The following BCAS3 variants were observed in gnomAD, a reference collection of about 807,000 sequenced individuals.
The protein encoded by BCAS3 is BCAS3 microtubule associated cell migration factor.
A neutral mutation model predicts 116.1 loss-of-function variants in BCAS3; 53 were observed. The observed-to-expected ratio is 0.46, with a 90% CI of 0.37 to 0.57. BCAS3 has a LOEUF of 0.57. BCAS3 is among the 20% of genes least tolerant of loss of function. The probability of loss-of-function intolerance (pLI) is 0.00; values close to 1 mark genes in which losing one functional copy is unlikely to be tolerated. For synonymous variants in BCAS3, 391 were observed against 408.2 expected, an observed-to-expected ratio of 0.96 and a Z score of 0.51; for missense variants, 917 against 1,165.4, an observed-to-expected ratio of 0.79 and a Z score of 3.10.
chr17:61,125,784 A>G (rs368857344), intron 22 of BCAS3, among the ~76,000 whole-genome samples: 1 of 152,164 alleles, frequency 6.6e-6, no homozygotes, highest in African/African-American at 2.4e-5. Flanking sequence ...TTTATACTGC[A>G]TTCTCCAAAG....
At position 61,144,602 on chromosome 17, in the gene BCAS3, G is replaced by A. The variant is rs1218017052; in HGVS notation, c.2425+60038G>A. 6.6e-6 allele frequency among the ~76,000 whole-genome samples: 1 copy of A among 152,146 alleles called. No homozygotes were observed. Among genetic ancestry groups the A allele is most frequent in the Admixed American group, 6.5e-5 (1 of 15,282 alleles). Reference sequence around the variant, plus strand: ...TTTTATAACATCTCTGTGAAAGTTTGAAAATTTATGATTGTTGATCCTCAA... The same window carrying A: ...TTTTATAACATCTCTGTGAAAGTTTAAAAATTTATGATTGTTGATCCTCAA... On this transcript the variant is annotated intron_variant, in intron 22 of 23. Transcript: ENST00000407086. The surrounding 1 kb of genome is among the most constrained non-coding windows in gnomAD (Gnocchi z 5.0).
chr17:60,808,501 T>C (rs901535013), intron 7 of BCAS3, among the ~76,000 whole-genome samples: 10 of 152,210 alleles, frequency 6.6e-5, no homozygotes. Context: ...CTTCAGATCA[T>C]GTGGCATTGG....
At chr17:61,158,585 T>C (rs1405999602) in intron 22 of BCAS3, among the ~76,000 whole-genome samples, 1 of 152,194 alleles carries the variant, frequency 6.6e-6, no homozygotes, top group East Asian at 1.9e-4. Context: ...TCATGCTATC[T>C]TCATCCAGGC....
At chr17:60,861,713 T>G (rs1215348655) in intron 7 of BCAS3, among the ~76,000 whole-genome samples, 3 of 152,240 alleles carry the variant, frequency 2.0e-5, no homozygotes, top group Admixed American at 6.5e-5. Context: ...TTGAATTTTA[T>G]TGAAAGTCTT....
intron 5 of BCAS3, among the ~76,000 whole-genome samples, chr17:60,718,195 C>T (rs2038854880): frequency 1.3e-5 from 2 of 152,248 alleles, no homozygotes; most frequent in Admixed American, 1.3e-4. Flanking sequence ...GTAACCAGTA[C>T]CTGGCCCAGG....
rs1267658193 is a variant in BCAS3 at position 61,276,649 on chromosome 17, G to A, written c.2426-91678G>A. Among the ~76,000 whole-genome samples the A allele has an allele frequency of 2.6e-5, 4 of 152,054 alleles. No individual in the cohort carries two copies. Among genetic ancestry groups the A allele is most frequent in the Admixed American group, 2.0e-4 (3 of 15,260 alleles). On this transcript the variant is annotated intron_variant, in intron 22 of 23. Coordinates refer to ENST00000407086, the MANE Select transcript of BCAS3 (RefSeq NM_017679.5). The surrounding 1 kb of genome is among the most constrained non-coding windows in gnomAD (Gnocchi z 4.2). The stretch of plus-strand genomic sequence containing the variant: ...GATTCAACACAATCTCTATCAAAAT[G>A]ATCTCTATCAAAATCTCTATCAAAT...
intron 7 of BCAS3, among the ~76,000 whole-genome samples, chr17:60,836,267 T>A (rs7214856): frequency 2.7e-4 from 41 of 152,316 alleles, no homozygotes; most frequent in African/African-American, 9.4e-4. Flanking sequence ...TGGATAATTG[T>A]ATCAGACAGA....
chr17:61,154,437 A>C (rs1350133373), intron 22 of BCAS3, among the ~76,000 whole-genome samples: 3 of 141,504 alleles, frequency 2.1e-5, no homozygotes, highest in African/African-American at 7.8e-5. Flanking sequence ...AGCACAAGCA[A>C]TTTTTTTTTT....
At chr17:60,706,154 T>C (rs112451240) in intron 4 of BCAS3, among the ~76,000 whole-genome samples, 10,620 of 150,746 alleles carry the variant, frequency 0.07, 1,238 homozygotes, top group African/African-American at 0.24. Flanking sequence ...CCTCCACCTC[T>C]TGGGTTCAAG....
Position 61,198,383 on chromosome 17 carries a change from A to G in BCAS3, c.2425+113819A>G, listed in dbSNP as rs896809063. On this transcript the variant is annotated intron_variant, in intron 22 of 23. Coordinates refer to ENST00000407086, the MANE Select transcript of BCAS3 (RefSeq NM_017679.5). The surrounding 1 kb of genome is among the most constrained non-coding windows in gnomAD (Gnocchi z 5.0). The stretch of plus-strand genomic sequence containing the variant: ...TCTCGATCTCCTGACCTCGTGATCC[A>G]CCCGCCTCGGACTCCCAAAGTGCTG... Among the ~76,000 whole-genome samples the G allele has an allele frequency of 6.6e-6, 1 of 151,944 alleles. No homozygotes were observed. The highest frequency in any genetic ancestry group is 1.5e-5 in the Non-Finnish European group (1 of 67,982).
rs1251939065 is a variant in BCAS3 at position 61,008,849 on chromosome 17, T to C, written c.1487-6902T>C. Among the ~76,000 whole-genome samples the C allele has an allele frequency of 6.6e-6, 1 of 152,060 alleles. No individual in the cohort carries two copies. Among genetic ancestry groups the C allele is most frequent in the African/African-American group, 2.4e-5 (1 of 41,416 alleles). On this transcript the variant is annotated intron_variant, in intron 15 of 23. Transcript: ENST00000407086. This position sits in a 1 kb window ranked among gnomAD's most constrained non-coding sequence, Gnocchi z 4.6. ...CAAAAATAAAGGAGATATTTGGGACTGGGGCTGTTTCCGTAGAATTGTCTT... is the reference window on the plus strand; with the variant it reads ...CAAAAATAAAGGAGATATTTGGGACCGGGGCTGTTTCCGTAGAATTGTCTT...
chr17:61,069,973 C>T (rs1439740419), intron 19 of BCAS3: 3 of 1,584,336 alleles, frequency 1.9e-6, no homozygotes, highest in Admixed American at 1.7e-5. Context: ...TGTCCACAGC[C>T]ACAAAAAGAA....
At chr17:61,116,232 AAAGTAT>A (rs1457135901) in intron 22 of BCAS3, among the ~76,000 whole-genome samples, 1 of 136,454 alleles carries the variant, frequency 7.3e-6, no homozygotes, top group African/African-American at 2.7e-5. Flanking sequence ...CCTAAAACTT[AAAGTAT>A]AATAAAAAAA....
intron 16 of BCAS3, among the ~76,000 whole-genome samples, chr17:61,025,999 A>AT (rs1442419586): frequency 2.0e-5 from 3 of 146,636 alleles, no homozygotes; most frequent in African/African-American, 8.3e-5. Context: ...TTTCTCCTCC[A>AT]TTTGTTATGA....
At position 61,164,057 on chromosome 17, in the gene BCAS3, C is replaced by G. The variant is rs1278297488; in HGVS notation, c.2425+79493C>G. ...AAATCAAAGATTTATTTGAAATGAC[C>G]AGATTTTTGGGCACTGAAATCAGTG... On this transcript the variant is annotated intron_variant, in intron 22 of 23. Transcript: ENST00000407086. Among the ~76,000 whole-genome samples, 3 of 146,340 alleles carry G rather than the reference C, an allele frequency of 2.1e-5. No individual in the cohort carries two copies. The East Asian group carries it at 5.9e-4, about 29-fold the overall frequency.
chr17:60,991,495 G>C (rs1172758751), intron 15 of BCAS3, among the ~76,000 whole-genome samples: 1 of 152,172 alleles, frequency 6.6e-6, no homozygotes, highest in African/African-American at 2.4e-5. Flanking sequence ...TAGAACGACA[G>C]AAAACGTTGA....
At chr17:60,827,946 T>G (rs1427604069) in intron 7 of BCAS3, among the ~76,000 whole-genome samples, 2 of 152,306 alleles carry the variant, frequency 1.3e-5, no homozygotes, top group East Asian at 3.9e-4. Flanking sequence ...AACCAAAAAG[T>G]AAAGCTTTCC....
Position 61,205,079 on chromosome 17 carries a change from A to G in BCAS3, c.2425+120515A>G, listed in dbSNP as rs532296851. Reference sequence around the variant, plus strand: ...ATAAAAATTTAGGGAGGCCGATTCCATCTGCAATCAAAAGCTAACTTTTGG... The same window carrying G: ...ATAAAAATTTAGGGAGGCCGATTCCGTCTGCAATCAAAAGCTAACTTTTGG... On this transcript the variant is annotated intron_variant, in intron 22 of 23. Transcript: ENST00000407086. This position sits in a 1 kb window ranked among gnomAD's most constrained non-coding sequence, Gnocchi z 5.2. Among the ~76,000 whole-genome samples the G allele has an allele frequency of 2.0e-5, 3 of 152,300 alleles. No homozygotes were observed. Among genetic ancestry groups the G allele is most frequent in the South Asian group, 2.1e-4 (1 of 4,828 alleles).
intron 13 of BCAS3, among the ~76,000 whole-genome samples, chr17:60,941,077 C>G (rs1267656475): frequency 2.0e-5 from 3 of 152,240 alleles, no homozygotes; most frequent in African/African-American, 7.2e-5. Context: ...GTACCATCAG[C>G]AGCTTGAATC....
Sources: gnomAD v4.1 joint callset for allele counts (sites outside exome capture counted in the v4.1 genomes callset) on GRCh38, gnomAD v4.1.1 for gene constraint, Gnocchi (gnomAD v3.1) non-coding constraint, MANE v1.5 for transcripts, NCBI Gene and HGNC (gene_info 2026-07-23, HGNC 2026-07-21) for gene names.